SLC35F1: variants seen among roughly 807,000 people sequenced by gnomAD.
SLC35F1 encodes solute carrier family 35 member F1.
Under a neutral mutation model 48.7 loss-of-function variants are expected in SLC35F1, and 14 were observed. That is an observed-to-expected ratio of 0.29 (90% CI 0.19 to 0.45). The LOEUF is 0.45. SLC35F1 is among the 20% of genes least tolerant of loss of function. The pLI, the probability that SLC35F1 is intolerant of heterozygous loss-of-function variation, is 1.00. For synonymous variants in SLC35F1, 190 were observed against 202.2 expected (o/e 0.94, Z 0.51); for missense variants, 404 against 500.0 (o/e 0.81, Z 1.83).
chr6:117,995,709 C>G (rs1033068947), intron 1 of SLC35F1, among the ~76,000 whole-genome samples: 35 of 151,802 alleles, frequency 2.3e-4, no homozygotes. Flanking sequence ...CCACTGCACT[C>G]CAGCCTGGGT....
At chr6:117,964,103 C>T (rs1776530606) in intron 1 of SLC35F1, among the ~76,000 whole-genome samples, 1 of 152,176 alleles carries the variant, frequency 6.6e-6, no homozygotes, top group African/African-American at 2.4e-5. Flanking sequence ...TGTTAGTTTG[C>T]TGAGGATAAT....
chr6:118,053,682 GGCT>G (rs1321085773), intron 1 of SLC35F1, among the ~76,000 whole-genome samples: 5 of 152,036 alleles, frequency 3.3e-5, no homozygotes, highest in Non-Finnish European at 7.4e-5. Context: ...AATTTTAAAT[GGCT>G]GCATTATATC....
In SLC35F1 at chr6:118,145,914, C is replaced by T. The variant is rs187868941; in HGVS notation, c.174-8531C>T. Among the ~76,000 whole-genome samples, 110 of 152,150 alleles carry T rather than the reference C, an allele frequency of 7.2e-4. 2 individuals carry two copies. The highest frequency in any genetic ancestry group is 6.0e-3 in the Admixed American group (92 of 15,266). On this transcript the variant is annotated intron_variant, in intron 1 of 7. Coordinates refer to ENST00000360388, the MANE Select transcript of SLC35F1 (RefSeq NM_001029858.4). ...ATTGGGAAAACCCTTTTTCCTGTTA[C>T]GGTAAAGATGGCTGCAATACACAGG...
chr6:117,956,483 A>T (rs1776430017), intron 1 of SLC35F1, among the ~76,000 whole-genome samples: 1 of 152,210 alleles, frequency 6.6e-6, no homozygotes, highest in Admixed American at 6.5e-5. Flanking sequence ...ACTGTGATTA[A>T]ACCTTCAATG....
At chr6:118,253,193 T>G (rs897302501) in intron 3 of SLC35F1, among the ~76,000 whole-genome samples, 1 of 151,814 alleles carries the variant, frequency 6.6e-6, no homozygotes, top group Non-Finnish European at 1.5e-5. Context: ...GAACACAATA[T>G]TTGAGAGATG....
chr6:118,119,494 G>GCCCCC lies in SLC35F1; in HGVS notation c.174-34948_174-34944dup, dbSNP rs369126799. Among the ~76,000 whole-genome samples, 106 of 52,126 alleles carry GCCCCC rather than the reference G, an allele frequency of 2.0e-3. 1 individual carries two copies. Among genetic ancestry groups the GCCCCC allele is most frequent in the South Asian group, 3.1e-3 (4 of 1,292 alleles). 34.2% of individuals were successfully genotyped at this position (52,126 alleles called of 152,430 possible). ...TTTACATGATGCAGTAATAACCGGCGCCCCCCCTCCACCCCGCTTTTTTTT... is the reference window on the plus strand; with the variant it reads ...TTTACATGATGCAGTAATAACCGGCGCCCCCCCCCCCCTCCACCCCGCTTTTTTTT... On this transcript the variant is annotated intron_variant, in intron 1 of 7. Transcript: ENST00000360388.
intron 1 of SLC35F1, among the ~76,000 whole-genome samples, chr6:117,953,607 C>G (rs1271124897): frequency 6.6e-6 from 1 of 152,072 alleles, no homozygotes; most frequent in Non-Finnish European, 1.5e-5. Flanking sequence ...AAAACCTCAC[C>G]CAGTGTAAAA....
At chr6:118,020,477 G>A (rs181466207) in intron 1 of SLC35F1, among the ~76,000 whole-genome samples, 15 of 152,270 alleles carry the variant, frequency 9.9e-5, no homozygotes, top group African/African-American at 3.4e-4. Flanking sequence ...ATCTGAATGG[G>A]ATATGACATG....
At chr6:117,997,081 G>T (rs1341473874) in intron 1 of SLC35F1, among the ~76,000 whole-genome samples, 1 of 152,138 alleles carries the variant, frequency 6.6e-6, no homozygotes, top group African/African-American at 2.4e-5. Context: ...GTGCTTAAAG[G>T]AGCTGATGGA....
chr6:118,047,257 T>C (rs960322614), intron 1 of SLC35F1, among the ~76,000 whole-genome samples: 1 of 152,152 alleles, frequency 6.6e-6, no homozygotes, highest in Non-Finnish European at 1.5e-5. Flanking sequence ...GTTGTTCTTA[T>C]CTTCACAAAT....
intron 3 of SLC35F1, among the ~76,000 whole-genome samples, chr6:118,255,732 T>C (rs1775633623): frequency 6.6e-6 from 1 of 152,162 alleles, no homozygotes; most frequent in Admixed American, 6.5e-5. Flanking sequence ...AAAAGAAAAG[T>C]AGTTTGGTAG....
chr6:118,272,815 G>T (rs1344251333), intron 4 of SLC35F1, among the ~76,000 whole-genome samples: 2 of 147,316 alleles, frequency 1.4e-5, no homozygotes, highest in African/African-American at 5.0e-5. Context: ...TACAAAAAAT[G>T]AGAAAATGTA....
intron 1 of SLC35F1, among the ~76,000 whole-genome samples, chr6:117,931,219 G>A (rs191680698): frequency 1.3e-5 from 2 of 152,158 alleles, no homozygotes; most frequent in African/African-American, 2.4e-5. Flanking sequence ...AGGTCTCTTC[G>A]TGCTTGCATT....
intron 1 of SLC35F1, among the ~76,000 whole-genome samples, chr6:117,924,525 T>TATATA (rs1776003275): frequency 2.1e-5 from 2 of 94,132 alleles, no homozygotes; most frequent in African/African-American, 1.0e-4. Flanking sequence ...TATATATATG[T>TATATA]CAAGTTCCAT....
At chr6:118,123,680 AC>A (rs78678971) in intron 1 of SLC35F1, among the ~76,000 whole-genome samples, 22,331 of 152,116 alleles carry the variant, frequency 0.15, 1,713 homozygotes, top group South Asian at 0.32. Flanking sequence ...CTGAATTGAT[AC>A]CCTGTAGCCC....
chr6:118,316,868 T>C lies in SLC35F1; in HGVS notation c.*2616T>C, dbSNP rs796466208. ...GTTTGTCTCCATTTAGAAAGGTTGATAATATATTGAATTGTTCAAGATCAG... is the reference window on the plus strand; with the variant it reads ...GTTTGTCTCCATTTAGAAAGGTTGACAATATATTGAATTGTTCAAGATCAG... On this transcript the variant is annotated 3_prime_UTR_variant, in exon 8 of 8. Transcript: ENST00000360388. 8 of 152,450 alleles carry C rather than the reference T, an allele frequency of 5.2e-5. No individual in the cohort carries two copies. The highest frequency in any genetic ancestry group is 1.7e-4 in the African/African-American group (7 of 41,530). The allele number at this position is 152,450 out of a possible 1,614,324, so 9.4% of individuals were successfully genotyped here.
At chr6:117,995,204 C>A (rs1413200586) in intron 1 of SLC35F1, among the ~76,000 whole-genome samples, 1 of 152,166 alleles carries the variant, frequency 6.6e-6, no homozygotes, top group Non-Finnish European at 1.5e-5. Context: ...CTTCATTAAA[C>A]AAAAATTTTG....
Position 117,929,800 on chromosome 6 carries a change from A to G in SLC35F1, c.173+21901A>G, listed in dbSNP as rs578220725. Among the ~76,000 whole-genome samples the G allele has an allele frequency of 1.9e-4, 29 of 152,288 alleles. 2 individuals carry two copies. The South Asian group carries it at 5.8e-3, about 30-fold the overall frequency. ...CTTCATAGCAAACATCTAAACTAAT[A>G]TTTGACTGAACAGCTGGGAACCATA... is the stretch of plus-strand genomic sequence containing the variant. On this transcript the variant is annotated intron_variant, in intron 1 of 7. Transcript: ENST00000360388.
At chr6:118,266,912 C>T (rs1189495125) in intron 3 of SLC35F1, 83 bp from the exon 4 acceptor site, 1 of 1,494,860 alleles carries the variant, frequency 6.7e-7, no homozygotes, top group Non-Finnish European at 9.2e-7. Flanking sequence ...ACCCTTTCTG[C>T]AGAACTAAAT....
Sources: gnomAD v4.1 joint callset for allele counts (sites outside exome capture counted in the v4.1 genomes callset) on GRCh38, gnomAD v4.1.1 for gene constraint, MANE v1.5 for transcripts, NCBI Gene and HGNC (gene_info 2026-07-23, HGNC 2026-07-21) for gene names.